The following SUCLG2 variants were observed in gnomAD, a reference collection of about 807,000 sequenced individuals.
The protein encoded by SUCLG2 is succinate--CoA ligase [GDP-forming] subunit beta, mitochondrial.
SUCLG2 carries 42 observed loss-of-function variants against 47.9 expected under a neutral mutation model. That is an observed-to-expected ratio of 0.88 (90% CI 0.69 to 1.14). SUCLG2 has a LOEUF of 1.14. Ranked by LOEUF, SUCLG2 falls within the 50% of genes most tolerant of loss-of-function variation. The pLI, the probability that SUCLG2 is intolerant of heterozygous loss-of-function variation, is 0.00. For synonymous variants in SUCLG2, 195 were observed against 197.3 expected (o/e 0.99, Z 0.10); for missense variants, 571 against 525.9 (o/e 1.09, Z -0.84).
intron 2 of SUCLG2, among the ~76,000 whole-genome samples, chr3:67,565,645 T>G (rs1368185056): frequency 6.6e-6 from 1 of 152,166 alleles, no homozygotes; most frequent in Non-Finnish European, 1.5e-5. Flanking sequence ...CCACAATAAT[T>G]TATCCAAATT....
chr3:67,424,024 T>C (rs1276129193), intron 9 of SUCLG2, among the ~76,000 whole-genome samples: 1 of 152,182 alleles, frequency 6.6e-6, no homozygotes. Flanking sequence ...AACTGATAAA[T>C]ACTCTGATTT....
At chr3:67,401,101 T>G (rs1435984046) in intron 9 of SUCLG2, among the ~76,000 whole-genome samples, 1 of 152,190 alleles carries the variant, frequency 6.6e-6, no homozygotes, top group East Asian at 1.9e-4. Context: ...CAAAATGAAT[T>G]TAATCATCAT....
intron 6 of SUCLG2, among the ~76,000 whole-genome samples, chr3:67,509,528 C>T (rs1290910191): frequency 6.6e-6 from 1 of 152,212 alleles, no homozygotes; most frequent in Non-Finnish European, 1.5e-5. Context: ...TCATTTTTCT[C>T]ACCTCTGCTT....
chr3:67,650,767 A>C (rs1027987997), intron 1 of SUCLG2, among the ~76,000 whole-genome samples: 9 of 152,112 alleles, frequency 5.9e-5, no homozygotes, highest in South Asian at 4.1e-4. Flanking sequence ...AAAAAAAGTA[A>C]AATAAAATTG....
chr3:67,383,653 G>A (rs1702205571), intron 10 of SUCLG2, among the ~76,000 whole-genome samples: 1 of 152,162 alleles, frequency 6.6e-6, no homozygotes, highest in Admixed American at 6.5e-5. Flanking sequence ...TCAAAGAATG[G>A]TGTGTATGTG....
intron 1 of SUCLG2, among the ~76,000 whole-genome samples, chr3:67,649,750 C>A (rs141489601): frequency 2.6e-5 from 4 of 152,214 alleles, no homozygotes; most frequent in African/African-American, 9.6e-5. Context: ...TCAAGTTCTT[C>A]AGTAAAACTT....
intron 2 of SUCLG2, among the ~76,000 whole-genome samples, chr3:67,541,729 T>C (rs1037900255): frequency 6.6e-6 from 1 of 151,960 alleles, no homozygotes; most frequent in Non-Finnish European, 1.5e-5. Flanking sequence ...TTCACCAAGG[T>C]TGAAATGAAG....
intron 9 of SUCLG2, among the ~76,000 whole-genome samples, chr3:67,481,033 T>A (rs1657933001): frequency 6.6e-6 from 1 of 150,478 alleles, no homozygotes; most frequent in Non-Finnish European, 1.5e-5. Context: ...CTGTTTTTTT[T>A]ACAAACATAT....
intron 9 of SUCLG2, among the ~76,000 whole-genome samples, chr3:67,416,790 A>T (rs1307354161): frequency 6.6e-6 from 1 of 152,216 alleles, no homozygotes; most frequent in Non-Finnish European, 1.5e-5. Flanking sequence ...AACCCTCCAA[A>T]GTTCTGATTG....
At chr3:67,641,282 T>A (rs1176885953) in intron 1 of SUCLG2, among the ~76,000 whole-genome samples, 1 of 152,174 alleles carries the variant, frequency 6.6e-6, no homozygotes, top group East Asian at 1.9e-4. Flanking sequence ...GAAACAATGT[T>A]TTAGTTGGAA....
chr3:67,515,265 A>G (rs889913248), intron 6 of SUCLG2, among the ~76,000 whole-genome samples: 1 of 152,200 alleles, frequency 6.6e-6, no homozygotes, highest in African/African-American at 2.4e-5. Context: ...AATATCCAGA[A>G]AAAAAGAGTA....
rs755607379 is a variant in SUCLG2, at chr3:67,454,414, A to AAAAG, written c.1062+41383_1062+41384insCTTT. ...AAAAACATCAAATATATAAAAAAAA[A>AAAAG]ATAGAAGGTGAAATAATTATACAGC... On this transcript the variant is annotated intron_variant, in intron 9 of 10. Coordinates refer to ENST00000307227, the MANE Select transcript of SUCLG2 (RefSeq NM_003848.4). Among the ~76,000 whole-genome samples, 4 of 6,482 alleles carry AAAAG rather than the reference A, an allele frequency of 6.2e-4. No homozygotes were observed. The East Asian group carries it at 0.014, about 22-fold the overall frequency. The allele number at this position is 6,482 out of a possible 152,430, so 4.3% of individuals were successfully genotyped here. A position where few individuals can be genotyped will look rare whatever the true frequency, so the allele number is the denominator to read the frequency against.
At chr3:67,443,993 C>T (rs1453166923) in intron 9 of SUCLG2, among the ~76,000 whole-genome samples, 1 of 115,820 alleles carries the variant, frequency 8.6e-6, no homozygotes, top group Non-Finnish European at 2.0e-5. Context: ...GGCCAGCCGC[C>T]CCATCCGGGA....
intron 9 of SUCLG2, among the ~76,000 whole-genome samples, chr3:67,451,841 GA>G (rs1416720762): frequency 1.3e-5 from 2 of 152,146 alleles, no homozygotes; most frequent in East Asian, 3.9e-4. Context: ...TACAAGGGAA[GA>G]GGGGGGCTGG....
At position 67,436,933 on chromosome 3, in the gene SUCLG2, C is replaced by A. The variant is rs1266319933; in HGVS notation, c.1063-36082G>T. 1.3e-5 allele frequency among the ~76,000 whole-genome samples: 2 copies of A among 151,734 alleles called. 1 individual carries two copies. The highest frequency in any genetic ancestry group is 6.3e-3 in the Middle Eastern group (2 of 316). On this transcript the variant is annotated intron_variant, in intron 9 of 10. Coordinates refer to ENST00000307227, the MANE Select transcript of SUCLG2 (RefSeq NM_003848.4). ...GTCCTTTTTCTTTGCTTTTTCTTTT[C>A]TTTTATTTATTGTTTTCCTTTTAAA...
intron 2 of SUCLG2, among the ~76,000 whole-genome samples, chr3:67,572,770 G>A (rs142166030): frequency 4.2e-4 from 64 of 152,038 alleles, no homozygotes; most frequent in Non-Finnish European, 7.4e-4. Context: ...TAAGGAAGTC[G>A]CCTCTTACCG....
intron 10 of SUCLG2, among the ~76,000 whole-genome samples, chr3:67,384,662 G>A (rs1702224480): frequency 6.6e-6 from 1 of 152,198 alleles, no homozygotes; most frequent in Admixed American, 6.5e-5. Flanking sequence ...ACTTGATATA[G>A]TGGTAAGCAG....
At chr3:67,478,704 C>T (rs542775139) in intron 9 of SUCLG2, among the ~76,000 whole-genome samples, 3 of 152,126 alleles carry the variant, frequency 2.0e-5, no homozygotes, top group Non-Finnish European at 4.4e-5. Context: ...TGGGAAAGAA[C>T]CAAAATTAAC....
At chr3:67,364,791 T>G (rs1415592737) in intron 10 of SUCLG2, among the ~76,000 whole-genome samples, 4 of 151,970 alleles carry the variant, frequency 2.6e-5, no homozygotes, top group Non-Finnish European at 4.4e-5. Flanking sequence ...TGGGAAGATC[T>G]CAAGCTGAAT....
Sources: gnomAD v4.1 joint callset for allele counts (sites outside exome capture counted in the v4.1 genomes callset) on GRCh38, gnomAD v4.1.1 for gene constraint, MANE v1.5 for transcripts, NCBI Gene and HGNC (gene_info 2026-07-23, HGNC 2026-07-21) for gene names.